The following RERE variants were observed in gnomAD, a reference collection of about 807,000 sequenced individuals.
RERE encodes the protein arginine-glutamic acid dipeptide repeats, also known as arginine-glutamic acid dipeptide repeats protein.
In RERE, 40 loss-of-function variants were observed where a neutral mutation model predicts 146.1. The ratio of observed to expected loss-of-function variants is 0.27; its 90% CI spans 0.21 to 0.36. RERE has a LOEUF of 0.36. Among genes scored for constraint, RERE ranks in the 10% least tolerant of loss-of-function variants. The probability of loss-of-function intolerance (pLI) is 1.00; values close to 1 mark genes in which losing one functional copy is unlikely to be tolerated. For synonymous variants in RERE, 1,003 were observed against 866.0 expected (o/e 1.16, Z -2.78); for missense variants, 1,933 against 2,138.7 (o/e 0.90, Z 1.90).
At chr1:8,445,996 CT>C (rs1644313150) in intron 11 of RERE, among the ~76,000 whole-genome samples, 1 of 152,150 alleles carries the variant, frequency 6.6e-6, no homozygotes, top group African/African-American at 2.4e-5. Context: ...TTTGCAGTGG[CT>C]GGCGCCTGTT....
chr1:8,732,808 C>CT (rs59337140), intron 1 of RERE, among the ~76,000 whole-genome samples: 55 of 65,734 alleles, frequency 8.4e-4, no homozygotes, highest in African/African-American at 2.0e-3. Flanking sequence ...TTCAATTTTT[C>CT]TTTTTTTTTT....
intron 1 of RERE, among the ~76,000 whole-genome samples, chr1:8,744,189 G>T (rs1047551989): frequency 1.3e-5 from 2 of 152,154 alleles, no homozygotes; most frequent in East Asian, 3.8e-4. Context: ...AAATGAAATT[G>T]TTATTCCAAC....
At chr1:8,609,550 T>A (rs1162257100) in intron 4 of RERE, among the ~76,000 whole-genome samples, 2 of 152,182 alleles carry the variant, frequency 1.3e-5, no homozygotes, top group Non-Finnish European at 2.9e-5. Context: ...TCGATGGTTA[T>A]TTTTGGCATA....
At chr1:8,809,157 A>AAAAAT (rs985140466) in intron 1 of RERE, among the ~76,000 whole-genome samples, 55 of 146,112 alleles carry the variant, frequency 3.8e-4, no homozygotes, top group African/African-American at 1.4e-3. Flanking sequence ...AAAAAAAAAA[A>AAAAAT]AAAGTACTGA....
chr1:8,554,265 G>C (rs1341615118), intron 6 of RERE, among the ~76,000 whole-genome samples: 3 of 152,308 alleles, frequency 2.0e-5, no homozygotes, highest in East Asian at 1.9e-4. Flanking sequence ...GTCAAAACAT[G>C]TTGAATACAG....
intron 7 of RERE, chr1:8,512,012 C>CATTTTTTTTTTT (rs1645344058): frequency 1.7e-5 from 1 of 57,336 alleles, no homozygotes; most frequent in Admixed American, 2.0e-4. Flanking sequence ...GTAGGAAACA[C>CATTTTTTTTTTT]TCTTTTTTTT....
At chr1:8,412,714 T>C (rs1176923387) in intron 12 of RERE, among the ~76,000 whole-genome samples, 1 of 152,204 alleles carries the variant, frequency 6.6e-6, no homozygotes, top group Non-Finnish European at 1.5e-5. Context: ...GGAGAGTTGA[T>C]TTACTGCGCA....
In RERE at chr1:8,360,783, C is replaced by G; in HGVS notation, c.2724G>C (p.Gln908His). 6.3e-7 allele frequency: 1 copy of G among 1,591,606 alleles called. No individual in the cohort carries two copies. Among genetic ancestry groups the G allele is most frequent in the Non-Finnish European group, 8.5e-7 (1 of 1,174,000 alleles). Reference sequence around the variant, plus strand: ...GCTGCTCCCGTGGAGGCTGTTGGGACTGCAGCGCTGACTGAGAGGCTGGCA... The same window carrying G: ...GCTGCTCCCGTGGAGGCTGTTGGGAGTGCAGCGCTGACTGAGAGGCTGGCA... The part of the protein sequence containing the change: ...LQLPASQSAL[Q>H]SQQPPREQPL... Residue 908 changes from glutamine (Q) to histidine (H), a missense_variant, in exon 18 of 23, where the codon CAG becomes CAC. By Grantham distance (24) the Gln-to-His change is conservative (BLOSUM62 0). Around this residue, in one of 11 missense-constraint regions of RERE, gnomAD observed 1,255 missense variants for 1,153.8 expected, o/e 1.09. Transcript: ENST00000400908.
chr1:8,729,089 G>A (rs373615685), intron 1 of RERE, among the ~76,000 whole-genome samples: 2 of 151,902 alleles, frequency 1.3e-5, no homozygotes, highest in Admixed American at 6.6e-5. Flanking sequence ...GTTTGAACCC[G>A]GGAGGTGGAA....
chr1:8,453,923 T>A (rs1454475025), intron 11 of RERE, among the ~76,000 whole-genome samples: 1 of 152,012 alleles, frequency 6.6e-6, no homozygotes, highest in Non-Finnish European at 1.5e-5. Context: ...AAAAAGAAAA[T>A]GAGTAATATT....
At chr1:8,575,214 A>G (rs138612835) in intron 4 of RERE, among the ~76,000 whole-genome samples, 4 of 152,260 alleles carry the variant, frequency 2.6e-5, no homozygotes, top group African/African-American at 7.2e-5. Context: ...GAATCAACAC[A>G]TAATGTTAGT....
rs1641381526 is a variant in RERE, at chr1:8,358,301, C to T, written c.4234G>A (p.Asp1412Asn). The change falls in exon 20 of 23, where the codon GAT becomes AAT. Residue 1412 changes from aspartate to asparagine, a missense_variant. Physicochemically the swap from Asp to Asn is conservative, Grantham distance 23. Transcript: ENST00000400908. ...AACATCTGCAGTCGGGCCAGGGGAT[C>T]GCTGGTCAGCGATGCCATGCGCTCT... ...HAERMASLTSDPLARLQMFNV... is the reference protein window; with the variant it reads ...HAERMASLTSNPLARLQMFNV... 1.5e-5 allele frequency: 24 copies of T among 1,613,548 alleles called. No individual in the cohort carries two copies. The highest frequency in any genetic ancestry group is 2.0e-5 in the Non-Finnish European group (24 of 1,179,694).
chr1:8,487,674 G>A (rs1050774780), intron 10 of RERE, among the ~76,000 whole-genome samples: 1 of 152,068 alleles, frequency 6.6e-6, no homozygotes, highest in Non-Finnish European at 1.5e-5. Flanking sequence ...CTTCTATTCA[G>A]TATTATAGCA....
chr1:8,507,758 A>ATTTTTT, intron 8 of RERE, among the ~76,000 whole-genome samples: 1 of 5,474 alleles, frequency 1.8e-4, no homozygotes, highest in African/African-American at 1.5e-3. Context: ...TTTTTTTTTG[A>ATTTTTT]GACAGAGTCT....
intron 1 of RERE, among the ~76,000 whole-genome samples, chr1:8,736,566 T>C (rs1640201809): frequency 6.6e-6 from 1 of 152,168 alleles, no homozygotes; most frequent in African/African-American, 2.4e-5. Context: ...AAATTGCTAA[T>C]ATGAAATATT....
chr1:8,494,790 T>C (rs1464222977), intron 10 of RERE, among the ~76,000 whole-genome samples: 1 of 151,622 alleles, frequency 6.6e-6, no homozygotes, highest in Non-Finnish European at 1.5e-5. Flanking sequence ...GCACAGTACT[T>C]GGCTTTGTGA....
At chr1:8,566,457 T>C (rs1191211765) in intron 4 of RERE, among the ~76,000 whole-genome samples, 1 of 151,768 alleles carries the variant, frequency 6.6e-6, no homozygotes, top group Non-Finnish European at 1.5e-5. Flanking sequence ...CCGTCTCTAC[T>C]AAAAATACAA....
intron 11 of RERE, among the ~76,000 whole-genome samples, chr1:8,427,745 A>G (rs1309715163): frequency 6.6e-6 from 1 of 151,860 alleles, no homozygotes; most frequent in African/African-American, 2.4e-5. Context: ...TCTGCTTCTC[A>G]GAGACCAGCC....
At chr1:8,384,843 C>T (rs187933349) in intron 12 of RERE, among the ~76,000 whole-genome samples, 4 of 152,218 alleles carry the variant, frequency 2.6e-5, no homozygotes, top group African/African-American at 9.6e-5. Context: ...ATGTGACCAG[C>T]GTTCCTGAGT....
Sources: allele counts gnomAD v4.1 joint callset (sites outside exome capture counted in the v4.1 genomes callset), GRCh38; gene constraint gnomAD v4.1.1; regional missense constraint gnomAD v4.1.1; transcripts MANE v1.5; gene names NCBI Gene and HGNC (gene_info 2026-07-23, HGNC 2026-07-21).